The following NNT variants were observed in gnomAD, a reference collection of about 807,000 sequenced individuals.
NNT encodes the protein nicotinamide nucleotide transhydrogenase, also known as NAD(P) transhydrogenase, mitochondrial.
In NNT, 50 loss-of-function variants were observed where a neutral mutation model predicts 104.8. The ratio of observed to expected loss-of-function variants is 0.48; its 90% confidence interval spans 0.38 to 0.60. The LOEUF (loss-of-function observed/expected upper bound fraction) is 0.60. NNT is among the 20% of genes least tolerant of loss of function. The probability of loss-of-function intolerance (pLI) is 0.00; values close to 1 mark genes in which losing one functional copy is unlikely to be tolerated. For missense variants in NNT, 1,131 were observed against 1,330.7 expected, an observed-to-expected ratio of 0.85 and a Z score of 2.33; for synonymous variants, 461 against 490.4, an observed-to-expected ratio of 0.94 and a Z score of 0.79.
intron 7 of NNT, among the ~76,000 whole-genome samples, chr5:43,630,750 C>T (rs1308624291): frequency 6.6e-6 from 1 of 152,176 alleles, no homozygotes; most frequent in African/African-American, 2.4e-5. Context: ...CTTCTCTTCA[C>T]CTATCCTTTC....
intron 19 of NNT, among the ~76,000 whole-genome samples, chr5:43,681,596 C>T (rs189808981): frequency 3.9e-5 from 6 of 152,112 alleles, no homozygotes; most frequent in Admixed American, 6.5e-5. Context: ...GACGGGGTTT[C>T]GCCACGTTGG....
intron 6 of NNT, among the ~76,000 whole-genome samples, chr5:43,625,960 T>A (rs922404758): frequency 6.6e-6 from 1 of 152,144 alleles, no homozygotes; most frequent in Non-Finnish European, 1.5e-5. Flanking sequence ...ATCATGAAGA[T>A]CTTTCCTTAC....
chr5:43,681,259 C>CAAA lies in NNT; in HGVS notation c.2876+3472_2876+3474dup, dbSNP rs559273026. On this transcript the variant is annotated intron_variant, in intron 19 of 21. Transcript: ENST00000344920. ...TGGGTGACAGAGCGAGGCTCCTTCT[C>CAAA]AAAAAAAAAAAAAAAAAAAAAGAAA... Among the ~76,000 whole-genome samples, 167 of 58,686 alleles carry CAAA rather than the reference C, an allele frequency of 2.8e-3. 2 individuals carry two copies. Among genetic ancestry groups the CAAA allele is most frequent in the African/African-American group, 8.3e-3 (158 of 18,952 alleles). 38.5% of individuals were successfully genotyped at this position (58,686 alleles called of 152,430 possible).
intron 6 of NNT, among the ~76,000 whole-genome samples, chr5:43,625,140 G>A (rs1750294562): frequency 6.6e-6 from 1 of 152,090 alleles, no homozygotes; most frequent in South Asian, 2.1e-4. Context: ...TTGATGTGAA[G>A]TTTTCTCAAG....
chr5:43,612,488 A>G (rs1196879877), intron 2 of NNT, among the ~76,000 whole-genome samples: 1 of 152,236 alleles, frequency 6.6e-6, no homozygotes, highest in Non-Finnish European at 1.5e-5. Context: ...CAAAGTGTCT[A>G]GGATACAGTT....
chr5:43,669,062 C>T (rs1383373344), intron 17 of NNT, among the ~76,000 whole-genome samples: 3 of 152,150 alleles, frequency 2.0e-5, no homozygotes, highest in East Asian at 3.8e-4. Context: ...GGAGTTCAGT[C>T]ATGATTTGGC....
At chr5:43,660,787 G>A (rs1740314892) in intron 17 of NNT, among the ~76,000 whole-genome samples, 1 of 152,144 alleles carries the variant, frequency 6.6e-6, no homozygotes, top group African/African-American at 2.4e-5. Context: ...GAACTCACTA[G>A]CATAAGAACA....
rs139895771 is a variant in NNT at position 43,702,903 on chromosome 5, C to T, written c.3111+167C>T. On this transcript the variant is annotated intron_variant, in intron 21 of 21. Coordinates refer to ENST00000344920, the MANE Select transcript of NNT (RefSeq NM_182977.3). ...CTATATCCAGCTTCTGTCTGTTCTC[C>T]GGCCACCAGAGAACCTGAGTGAATG... 5.9e-5 allele frequency among the ~76,000 whole-genome samples: 9 copies of T among 152,216 alleles called. No individual in the cohort carries two copies. In the East Asian group the frequency reaches 7.7e-4, roughly 13 times the overall value.
rs970323680 is a variant in NNT at position 43,705,591 on chromosome 5, A to G, written c.*1187A>G. 2 of 152,140 alleles carry G rather than the reference A, an allele frequency of 1.3e-5. No homozygotes were observed. Among genetic ancestry groups the G allele is most frequent in the Non-Finnish European group, 2.9e-5 (2 of 67,978 alleles). 9.4% of individuals were successfully genotyped at this position (152,140 alleles called of 1,614,324 possible). On this transcript the variant is annotated 3_prime_UTR_variant, in exon 22 of 22. Transcript: ENST00000344920. ...AGATTATTTGTCTCTCTATATAATT[A>G]GTTTGGTACTAAGTTTCTCAAAAAA...
At chr5:43,696,736 A>T (rs927806804) in intron 19 of NNT, among the ~76,000 whole-genome samples, 1 of 152,194 alleles carries the variant, frequency 6.6e-6, no homozygotes, top group Non-Finnish European at 1.5e-5. Flanking sequence ...TTCTTTGCAC[A>T]TGCAGGCTCC....
intron 9 of NNT, 149 bp from the exon 10 acceptor site, chr5:43,645,208 G>A (rs1739318783): frequency 7.3e-6 from 3 of 412,284 alleles, no homozygotes; most frequent in Non-Finnish European, 1.2e-5. Context: ...ACATATTTAT[G>A]TAAAATGATG....
At chr5:43,644,927 A>G (rs1463241917) in intron 9 of NNT, 125 bp downstream of exon 9, 1 of 662,066 alleles carries the variant, frequency 1.5e-6, no homozygotes, top group African/African-American at 1.8e-5. Flanking sequence ...TGCCAGCTTT[A>G]TGCTGATAAA....
chr5:43,624,896 G>C (rs1750284411), intron 6 of NNT, among the ~76,000 whole-genome samples: 1 of 152,052 alleles, frequency 6.6e-6, no homozygotes, highest in South Asian at 2.1e-4. Context: ...AACATAGAAT[G>C]ATCAAAAAAG....
rs1200718429 is a variant in NNT, at chr5:43,625,884, C to G, written c.776+1764C>G. Among the ~76,000 whole-genome samples, 4 of 150,882 alleles carry G rather than the reference C, an allele frequency of 2.7e-5. No homozygotes were observed. The South Asian group carries it at 6.3e-4, about 24-fold the overall frequency. On this transcript the variant is annotated intron_variant, in intron 6 of 21. Coordinates refer to ENST00000344920, the MANE Select transcript of NNT (RefSeq NM_182977.3). ...CCTAGAGATTTTTTTTATGTGTTTC[C>G]TCATCTACACATTAATTAAAAATGT...
At chr5:43,655,314 G>A (rs977331652) in intron 14 of NNT, among the ~76,000 whole-genome samples, 2 of 152,152 alleles carry the variant, frequency 1.3e-5, no homozygotes, top group Admixed American at 1.3e-4. Context: ...TTAGGTGTGT[G>A]GAGAAAAACT....
At chr5:43,632,384 C>T (rs1335671588) in intron 7 of NNT, among the ~76,000 whole-genome samples, 1 of 152,190 alleles carries the variant, frequency 6.6e-6, no homozygotes, top group Non-Finnish European at 1.5e-5. Context: ...GAGGCAGACA[C>T]AGGTAAGTAA....
intron 16 of NNT, among the ~76,000 whole-genome samples, chr5:43,657,176 C>T (rs1478097095): frequency 1.3e-5 from 2 of 152,118 alleles, no homozygotes. Context: ...GGGGTTTATA[C>T]AATACAAGTA....
chr5:43,661,738 A>C (rs1274470011), intron 17 of NNT, among the ~76,000 whole-genome samples: 2 of 151,766 alleles, frequency 1.3e-5, no homozygotes, highest in African/African-American at 4.8e-5. Flanking sequence ...AAGGACATGA[A>C]CTCATCATTT....
chr5:43,688,598 ATTG>A (rs893172777), intron 19 of NNT, among the ~76,000 whole-genome samples: 2 of 151,528 alleles, frequency 1.3e-5, no homozygotes, highest in African/African-American at 4.9e-5. Context: ...AGTTCAATGT[ATTG>A]TTCTTATGCC....
Sources: allele counts gnomAD v4.1 joint callset (sites outside exome capture counted in the v4.1 genomes callset), GRCh38; gene constraint gnomAD v4.1.1; transcripts MANE v1.5; gene names NCBI Gene and HGNC (gene_info 2026-07-23, HGNC 2026-07-21).